The following RPAP2 variants were observed in gnomAD, a reference collection of about 807,000 sequenced individuals.
RPAP2 encodes RNA polymerase II associated protein 2, also known as putative RNA polymerase II subunit B1 CTD phosphatase RPAP2.
A neutral mutation model predicts 73.1 loss-of-function variants in RPAP2; 52 were observed. The ratio of observed to expected loss-of-function variants is 0.71; its 90% CI spans 0.57 to 0.90. The LOEUF is 0.90. Ranked by LOEUF, RPAP2 falls within the 40% of genes least tolerant of loss-of-function variation. The pLI, the probability that RPAP2 is intolerant of heterozygous loss-of-function variation, is 0.00. For synonymous variants in RPAP2, 225 were observed against 242.1 expected (o/e 0.93, Z 0.65); for missense variants, 598 against 701.8 (o/e 0.85, Z 1.67).
intron 7 of RPAP2, among the ~76,000 whole-genome samples, chr1:92,322,964 A>G (rs899402441): frequency 1.6e-4 from 23 of 147,368 alleles, no homozygotes; most frequent in Non-Finnish European, 3.0e-5. Flanking sequence ...TATACATTAT[A>G]TATGTACAAG....
intron 12 of RPAP2, among the ~76,000 whole-genome samples, chr1:92,385,173 CAAAAA>C (rs10708018): frequency 1.1e-4 from 13 of 123,004 alleles, no homozygotes; most frequent in Admixed American, 2.5e-4. Context: ...GACCCTGTCT[CAAAAA>C]AAAAAAAAAA....
chr1:92,373,081 T>G (rs1395727514), intron 11 of RPAP2, among the ~76,000 whole-genome samples: 1 of 152,246 alleles, frequency 6.6e-6, no homozygotes, highest in African/African-American at 2.4e-5. Flanking sequence ...GTCATTGTCC[T>G]CATGACGTTC....
intron 11 of RPAP2, among the ~76,000 whole-genome samples, chr1:92,366,906 G>A (rs1557626603): frequency 6.6e-6 from 1 of 152,238 alleles, no homozygotes; most frequent in East Asian, 1.9e-4. Context: ...TGTGCAAACA[G>A]GTATTTTGGT....
chr1:92,307,110 T>G, intron 5 of RPAP2, 78 bp from the exon 6 acceptor site: 1 of 958,346 alleles, frequency 1.0e-6, no homozygotes, highest in African/African-American at 1.7e-5. Context: ...AACGATACAT[T>G]TATGTTTTAT....
At chr1:92,342,277 A>G (rs767695868) in intron 10 of RPAP2, among the ~76,000 whole-genome samples, 2 of 152,200 alleles carry the variant, frequency 1.3e-5, no homozygotes, top group Non-Finnish European at 2.9e-5. Context: ...TGTCTGTGAA[A>G]CTACAGCAGA....
In RPAP2 at chr1:92,385,140, C is replaced by G. The variant is rs190216258; in HGVS notation, c.*-1871C>G. On this transcript the variant is annotated intron_variant, in intron 12 of 12. Transcript: ENST00000610020. ...AGTGAGCCATGATCACACCACTGCA[C>G]TCCAGCCTGGGCACCAGAGCAAGAC... Among the ~76,000 whole-genome samples the G allele has an allele frequency of 2.2e-3, 325 of 148,550 alleles. 1 individual carries two copies. Among genetic ancestry groups the G allele is most frequent in the Admixed American group, 4.7e-3 (69 of 14,782 alleles).
chr1:92,352,962 T>G (rs1654290271), intron 11 of RPAP2, among the ~76,000 whole-genome samples: 1 of 152,242 alleles, frequency 6.6e-6, no homozygotes, highest in African/African-American at 2.4e-5. Flanking sequence ...TGACCTTTTG[T>G]ATTTGGCTTC....
At chr1:92,361,568 T>C (rs762094536) in intron 11 of RPAP2, among the ~76,000 whole-genome samples, 17 of 152,322 alleles carry the variant, frequency 1.1e-4, no homozygotes, top group Non-Finnish European at 2.2e-4. Context: ...GTAATCTGTA[T>C]AATGATTCAT....
chr1:92,350,564 A>T (rs1439030945), intron 11 of RPAP2, among the ~76,000 whole-genome samples: 1 of 152,346 alleles, frequency 6.6e-6, no homozygotes, highest in African/African-American at 2.4e-5. Flanking sequence ...TCTTAACTAA[A>T]TATGCCCTAT....
chr1:92,368,638 A>T (rs1358478819), intron 11 of RPAP2, among the ~76,000 whole-genome samples: 2 of 152,210 alleles, frequency 1.3e-5, no homozygotes, highest in Non-Finnish European at 2.9e-5. Context: ...TTTAATTAAA[A>T]ATCTCTCTCT....
intron 5 of RPAP2, among the ~76,000 whole-genome samples, chr1:92,306,353 T>C (rs1651232412): frequency 6.6e-6 from 1 of 152,210 alleles, no homozygotes; most frequent in Non-Finnish European, 1.5e-5. Flanking sequence ...ATGCTTATGA[T>C]GATAAATTTT....
chr1:92,366,590 T>C (rs899724424), intron 11 of RPAP2, among the ~76,000 whole-genome samples: 3 of 152,168 alleles, frequency 2.0e-5, no homozygotes, highest in Non-Finnish European at 4.4e-5. Context: ...GTCTCACTAA[T>C]GGAGTTGAAT....
At chr1:92,304,447 G>A in intron 5 of RPAP2, 98 bp downstream of exon 5, 2 of 598,434 alleles carry the variant, frequency 3.3e-6, no homozygotes. Context: ...ATATTAAATA[G>A]GATTCTAAAA....
At chr1:92,340,449 G>A (rs1653531563) in intron 10 of RPAP2, among the ~76,000 whole-genome samples, 1 of 152,170 alleles carries the variant, frequency 6.6e-6, no homozygotes, top group African/African-American at 2.4e-5. Context: ...CTGATAGTGG[G>A]AAAGAGTTGA....
chr1:92,336,658 T>C (rs1342336977), intron 10 of RPAP2, among the ~76,000 whole-genome samples: 2 of 152,268 alleles, frequency 1.3e-5, no homozygotes, highest in East Asian at 3.9e-4. Flanking sequence ...ATTTACGGAA[T>C]AGCCTAAAAT....
intron 6 of RPAP2, among the ~76,000 whole-genome samples, chr1:92,308,002 G>T (rs915218000): frequency 2.0e-5 from 3 of 151,940 alleles, no homozygotes; most frequent in South Asian, 2.1e-4. Context: ...GTTACTTGTG[G>T]TAAGGTAGGA....
chr1:92,324,040 T>C lies in RPAP2; in HGVS notation c.1120T>C (p.Leu374=), dbSNP rs746506678. The change falls in exon 8 of 13, where the codon TTG becomes CTG. Residue 374 remains leucine (L), a synonymous_variant. Transcript: ENST00000610020. ...RNLLKVLKET[L]IEWKTEETLR... ...CTTACTTAAAGTTTTGAAGGAGACTTTGATTGAGTGGAAGACAGAAGAAAC... is the reference window on the plus strand; with the variant it reads ...CTTACTTAAAGTTTTGAAGGAGACTCTGATTGAGTGGAAGACAGAAGAAAC... The C allele has an allele frequency of 5.0e-6, 8 of 1,613,740 alleles. No individual in the cohort carries two copies. The East Asian group carries it at 1.8e-4, about 36-fold the overall frequency.
chr1:92,320,130 T>C (rs1471853272), intron 6 of RPAP2, among the ~76,000 whole-genome samples: 2 of 152,216 alleles, frequency 1.3e-5, no homozygotes, highest in Non-Finnish European at 2.9e-5. Flanking sequence ...GGAAGGGATT[T>C]ACTTTAGTCC....
At chr1:92,332,678 T>C (rs1032436622) in intron 8 of RPAP2, among the ~76,000 whole-genome samples, 2 of 152,170 alleles carry the variant, frequency 1.3e-5, no homozygotes, top group Non-Finnish European at 2.9e-5. Context: ...TTTCCTATTC[T>C]TACTGTTATT....
Sources: gnomAD v4.1 joint callset for allele counts (sites outside exome capture counted in the v4.1 genomes callset) on GRCh38, gnomAD v4.1.1 for gene constraint, MANE v1.5 for transcripts, NCBI Gene and HGNC (gene_info 2026-07-23, HGNC 2026-07-21) for gene names.